The following SP140 variants were observed in gnomAD, a reference collection of about 807,000 sequenced individuals.
The protein encoded by SP140 is SP140 nuclear body protein.
A neutral mutation model predicts 125.0 loss-of-function variants in SP140; 81 were observed. That is an observed-to-expected ratio of 0.65 (90% CI 0.54 to 0.78). The LOEUF is 0.78. Among genes scored for constraint, SP140 ranks in the 30% least tolerant of loss-of-function variants. The probability of loss-of-function intolerance (pLI) is 0.00; values close to 1 mark genes in which losing one functional copy is unlikely to be tolerated. For synonymous variants in SP140, 312 were observed against 354.0 expected, an observed-to-expected ratio of 0.88 and a Z score of 1.33; for missense variants, 858 against 1,037.0, an observed-to-expected ratio of 0.83 and a Z score of 2.37.
At chr2:230,229,615 C>T (rs2046963597) in intron 1 of SP140, among the ~76,000 whole-genome samples, 1 of 151,344 alleles carries the variant, frequency 6.6e-6, no homozygotes. Context: ...CTACAGGCGC[C>T]CACCACCACG....
intron 18 of SP140, 69 bp from the exon 19 acceptor site, chr2:230,290,391 A>T: frequency 1.4e-6 from 2 of 1,383,470 alleles, no homozygotes; most frequent in Non-Finnish European, 2.0e-6. Context: ...CTTTATAGGA[A>T]TTACCTCAGT....
At chr2:230,186,706 C>T in the SP140 span, among the ~76,000 whole-genome samples, 2 of 152,076 alleles carry the variant, frequency 1.3e-5, no homozygotes, top group African/African-American at 4.8e-5. Context: ...ACTCTGTATG[C>T]CTTTGAGTAC....
At chr2:230,294,364 T>G in intron 21 of SP140, 46 bp downstream of exon 21, 1 of 1,439,808 alleles carries the variant, frequency 6.9e-7, no homozygotes, top group Middle Eastern at 1.7e-4. Flanking sequence ...CATAACTGAT[T>G]TAGCATGCAC....
chr2:230,230,191 A>G (rs1251632643), intron 1 of SP140, among the ~76,000 whole-genome samples: 1 of 152,134 alleles, frequency 6.6e-6, no homozygotes, highest in African/African-American at 2.4e-5. Flanking sequence ...AGTTAGGCAG[A>G]CAGGGGGCTG....
At position 230,307,890 on chromosome 2, in the gene SP140, G is replaced by A. The variant is rs116082873; in HGVS notation, c.2059-2034G>A. ...GAAAAAGCAATACCCCAAGGATTCC[G>A]TAACACTACTGGGTGTCTACCTAGT... On this transcript the variant is annotated intron_variant, in intron 22 of 26. Transcript: ENST00000392045. Among the ~76,000 whole-genome samples, 1,313 of 148,534 alleles carry A rather than the reference G, an allele frequency of 8.8e-3. 11 individuals carry two copies. The highest frequency in any genetic ancestry group is 0.014 in the Middle Eastern group (4 of 282).
Position 230,269,400 on chromosome 2 carries a change from G to A in SP140, c.1241-132G>A. On this transcript the variant is annotated intron_variant, in intron 12 of 26. Transcript: ENST00000392045. ...TTATGTGTCAAATGTGATTATTGGA[G>A]CAGGTATATTTTTTTCCAGAGAACA... is the stretch of plus-strand genomic sequence containing the variant. The A allele has an allele frequency of 4.6e-6, 3 of 656,824 alleles. No individual in the cohort carries two copies. The East Asian group carries it at 7.9e-5, about 17-fold the overall frequency. 40.7% of individuals were successfully genotyped at this position (656,824 alleles called of 1,614,324 possible).
chr2:230,273,314 A>G (rs1187137756), intron 15 of SP140, among the ~76,000 whole-genome samples: 1 of 152,224 alleles, frequency 6.6e-6, no homozygotes, highest in Non-Finnish European at 1.5e-5. Flanking sequence ...AAGAGAAGAC[A>G]TACATGCAGC....
the SP140 span, among the ~76,000 whole-genome samples, chr2:230,189,779 T>A: frequency 1.3e-5 from 2 of 152,138 alleles, no homozygotes; most frequent in East Asian, 3.9e-4. Context: ...CACTTATGAG[T>A]GAGAACATGC....
chr2:230,248,207 T>C (rs1301408829), intron 8 of SP140, 142 bp downstream of exon 8: 8 of 721,886 alleles, frequency 1.1e-5, no homozygotes, highest in Non-Finnish European at 1.9e-5. Context: ...CCTCACAAAA[T>C]CTTTAACATC....
At chr2:230,207,146 T>C (rs10167116) in intron 1 of SP140, among the ~76,000 whole-genome samples, 4,106 of 152,222 alleles carry the variant, frequency 0.027, 185 homozygotes, top group African/African-American at 0.093. Flanking sequence ...AGCAGCAAAG[T>C]TTTTTCTTTT....
chr2:230,223,320 C>A (rs2045977041), upstream of SP140, among the ~76,000 whole-genome samples: 2 of 152,186 alleles, frequency 1.3e-5, no homozygotes, highest in South Asian at 4.1e-4. Flanking sequence ...TAGGCATGAG[C>A]CACCATGCCC....
chr2:230,214,974 T>C (rs1418890245), intron 3 of SP140: 2 of 1,614,090 alleles, frequency 1.2e-6, no homozygotes, highest in Admixed American at 1.7e-5. Flanking sequence ...CTGTAAATCG[T>C]CACCAGATTG....
At chr2:230,292,557 G>A in intron 19 of SP140, 89 bp from the exon 20 acceptor site, 3 of 1,527,170 alleles carry the variant, frequency 2.0e-6, no homozygotes, top group East Asian at 2.3e-5. Context: ...ATCACAAATT[G>A]GGTGGCTCTA....
chr2:230,249,411 G>A (rs998614229), intron 9 of SP140, among the ~76,000 whole-genome samples: 1 of 152,138 alleles, frequency 6.6e-6, no homozygotes, highest in African/African-American at 2.4e-5. Context: ...GAGACCCTTG[G>A]GATGGTGCTG....
chr2:230,259,071 T>G (rs2051741627), intron 12 of SP140, among the ~76,000 whole-genome samples: 1 of 152,108 alleles, frequency 6.6e-6, no homozygotes, highest in South Asian at 2.1e-4. Context: ...CCCTAGAGCA[T>G]GGCCTGTTTG....
chr2:230,277,127 G>A (rs1228736834), intron 15 of SP140, among the ~76,000 whole-genome samples: 2 of 152,110 alleles, frequency 1.3e-5, no homozygotes, highest in East Asian at 1.9e-4. Context: ...AGGATCTACC[G>A]TGATAAAATG....
intron 20 of SP140, 40 bp downstream of exon 20, chr2:230,292,828 G>T (rs558035212): frequency 3.7e-6 from 6 of 1,611,868 alleles, no homozygotes; most frequent in Non-Finnish European, 4.2e-6. Context: ...GTTCCTTCTT[G>T]TTCCCTAATA....
Position 230,238,240 on chromosome 2 carries a change from G to A in SP140, c.265G>A (p.Val89Ile). ...TTTTCAAGAAGCTTTTAGAAACCTG[G>A]TCCCAGTGACAAGAGTGATGTATTG... ...EHFQEAFRNL[V>I]PVTRVMYCVL... The change falls in exon 3 of 27, where the codon GTC (valine) becomes ATC (isoleucine). Residue 89 changes from valine (V) to isoleucine (I), a missense_variant. By Grantham distance (29) the Val-to-Ile change is conservative. Coordinates refer to ENST00000392045, the MANE Select transcript of SP140 (RefSeq NM_007237.5). 1 of 1,600,114 alleles carries A rather than the reference G, an allele frequency of 6.2e-7. No homozygotes were observed. Among genetic ancestry groups the A allele is most frequent in the Non-Finnish European group, 8.5e-7 (1 of 1,174,842 alleles).
chr2:230,193,821 T>TG, the SP140 span, among the ~76,000 whole-genome samples: 1 of 152,228 alleles, frequency 6.6e-6, no homozygotes, highest in Non-Finnish European at 1.5e-5. Context: ...GAGAAGCCAC[T>TG]GCTCAGTTGG....
Sources: gnomAD v4.1 joint callset for allele counts (sites outside exome capture counted in the v4.1 genomes callset) on GRCh38, gnomAD v4.1.1 for gene constraint, MANE v1.5 for transcripts, NCBI Gene and HGNC (gene_info 2026-07-23, HGNC 2026-07-21) for gene names.